The following GRM1 variants were observed in gnomAD, a reference collection of about 807,000 sequenced individuals.
GRM1 encodes the protein metabotropic glutamate receptor 1.
Under a neutral mutation model 90.9 loss-of-function variants are expected in GRM1, and 33 were observed. The ratio of observed to expected loss-of-function variants is 0.36; its 90% CI spans 0.28 to 0.49. The LOEUF (loss-of-function observed/expected upper bound fraction) is 0.49, where lower values mean the gene tolerates loss of function less well. Ranked by LOEUF, GRM1 falls within the 20% of genes least tolerant of loss-of-function variation. GRM1 has a pLI of 0.99. For synonymous variants in GRM1, 700 were observed against 613.2 expected (o/e 1.14, Z -2.09); for missense variants, 1,190 against 1,534.3 (o/e 0.78, Z 3.75).
At chr6:146,157,611 A>G (rs1050018717) in intron 1 of GRM1, among the ~76,000 whole-genome samples, 1 of 152,114 alleles carries the variant, frequency 6.6e-6, no homozygotes, top group Non-Finnish European at 1.5e-5. Context: ...GGTCAGGGGT[A>G]TTTTTCTTTT....
At chr6:146,412,629 A>G (rs1777612850) in intron 7 of GRM1, among the ~76,000 whole-genome samples, 1 of 152,220 alleles carries the variant, frequency 6.6e-6, no homozygotes, top group Non-Finnish European at 1.5e-5. Context: ...ACCTGTGCTC[A>G]GCTTTTCTGA....
intron 2 of GRM1, among the ~76,000 whole-genome samples, chr6:146,208,379 G>C (rs1257593656): frequency 1.3e-5 from 2 of 152,078 alleles, no homozygotes; most frequent in Admixed American, 1.3e-4. Flanking sequence ...GTAGTTTGTT[G>C]TATGTAATGA....
chr6:146,073,641 G>C (rs571978167), intron 1 of GRM1, among the ~76,000 whole-genome samples: 1 of 152,264 alleles, frequency 6.6e-6, no homozygotes, highest in African/African-American at 2.4e-5. Flanking sequence ...AAGTGGTATT[G>C]TAGAGTGTTG....
rs574740083 is a variant in GRM1 at position 146,210,697 on chromosome 6, C to G, written c.950+51100C>G. Among the ~76,000 whole-genome samples the G allele has an allele frequency of 1.6e-4, 25 of 152,280 alleles. No homozygotes were observed. The East Asian group carries it at 4.1e-3, about 25-fold the overall frequency. ...TTACCAAACACCCTGAGTCCGCCTA[C>G]TACCCCAATGTTAGCAAAAGTATTT... is the stretch of plus-strand genomic sequence containing the variant. On this transcript the variant is annotated intron_variant, in intron 2 of 7. Coordinates refer to ENST00000282753, the MANE Select transcript of GRM1 (RefSeq NM_001278064.2).
At chr6:146,416,339 T>G (rs981803743) in intron 7 of GRM1, among the ~76,000 whole-genome samples, 1 of 152,140 alleles carries the variant, frequency 6.6e-6, no homozygotes, top group Non-Finnish European at 1.5e-5. Context: ...TAATCACTAG[T>G]ATTTTAATAT....
chr6:146,050,945 C>T (rs1791502193), intron 1 of GRM1, among the ~76,000 whole-genome samples: 1 of 152,052 alleles, frequency 6.6e-6, no homozygotes, highest in Admixed American at 6.6e-5. Context: ...GCGTTGCAAT[C>T]AACCCTTCCT....
intron 5 of GRM1, among the ~76,000 whole-genome samples, chr6:146,369,913 AG>A (rs11367081): frequency 0.17 from 25,444 of 152,034 alleles, 2,510 homozygotes; most frequent in African/African-American, 0.27. Flanking sequence ...CATTGCTAAA[AG>A]TGGAGTGTTG....
chr6:146,106,411 T>C (rs1255740889), intron 1 of GRM1, among the ~76,000 whole-genome samples: 4 of 152,188 alleles, frequency 2.6e-5, no homozygotes, highest in African/African-American at 9.7e-5. Context: ...TTCTTGGCTA[T>C]AAAGGTGGTG....
At chr6:146,315,671 G>A (rs1447663034) in intron 3 of GRM1, among the ~76,000 whole-genome samples, 1 of 152,086 alleles carries the variant, frequency 6.6e-6, no homozygotes, top group Non-Finnish European at 1.5e-5. Flanking sequence ...GTGAGGCCAA[G>A]CATTTATTTT....
At chr6:146,140,007 C>CTCCCCTCACT (rs1241246728) in intron 1 of GRM1, among the ~76,000 whole-genome samples, 3 of 139,078 alleles carry the variant, frequency 2.2e-5, no homozygotes, top group Non-Finnish European at 3.1e-5. Flanking sequence ...CTTCCCTCCC[C>CTCCCCTCACT]TCCCCTCACT....
chr6:146,215,419 TC>T (rs1779835128), intron 2 of GRM1, among the ~76,000 whole-genome samples: 1 of 152,118 alleles, frequency 6.6e-6, no homozygotes. Context: ...GAATTGCTTT[TC>T]TCCATCATAC....
intron 2 of GRM1, among the ~76,000 whole-genome samples, chr6:146,269,651 A>G (rs1267764733): frequency 6.6e-6 from 1 of 152,176 alleles, no homozygotes; most frequent in Non-Finnish European, 1.5e-5. Context: ...GCAGATCAGC[A>G]GGGTCATTAA....
At chr6:146,361,838 C>T (rs1004178353) in intron 5 of GRM1, among the ~76,000 whole-genome samples, 1 of 152,190 alleles carries the variant, frequency 6.6e-6, no homozygotes, top group Non-Finnish European at 1.5e-5. Context: ...TGGCACATTT[C>T]CTTCAAATGC....
chr6:146,190,954 T>G (rs1325118399), intron 2 of GRM1, among the ~76,000 whole-genome samples: 3 of 152,204 alleles, frequency 2.0e-5, no homozygotes, highest in Non-Finnish European at 4.4e-5. Flanking sequence ...CTTGGAATTG[T>G]ATTCATAGCT....
intron 1 of GRM1, among the ~76,000 whole-genome samples, chr6:146,050,544 C>T (rs1428361228): frequency 6.6e-6 from 1 of 151,956 alleles, no homozygotes; most frequent in African/African-American, 2.4e-5. Context: ...ACAAACATAT[C>T]CATATTTCTA....
In GRM1 at chr6:146,434,917, C is replaced by T. The variant is rs776814332; in HGVS notation, c.*121C>T. On this transcript the variant is annotated 3_prime_UTR_variant, in exon 8 of 8. Transcript: ENST00000282753. The stretch of plus-strand genomic sequence containing the variant: ...GGGCCTCGTCGGGAGGACAGGAGAC[C>T]GCTGCTGCTGCTGCCGCTACTGCTG... 1.2e-6 allele frequency: 1 copy of T among 841,978 alleles called. No homozygotes were observed. The highest frequency in any genetic ancestry group is 2.0e-6 in the Non-Finnish European group (1 of 510,202). The allele number at this position is 841,978 out of a possible 1,614,324, so 52.2% of individuals were successfully genotyped here.
At chr6:146,333,866 T>C (rs1206471230) in intron 3 of GRM1, among the ~76,000 whole-genome samples, 1 of 151,630 alleles carries the variant, frequency 6.6e-6, no homozygotes, top group East Asian at 1.9e-4. Context: ...AAATGAACAG[T>C]GATATCCTGG....
At chr6:146,221,741 A>G (rs1043790186) in intron 2 of GRM1, among the ~76,000 whole-genome samples, 1 of 152,032 alleles carries the variant, frequency 6.6e-6, no homozygotes, top group Non-Finnish European at 1.5e-5. Flanking sequence ...AAATGGTATT[A>G]AATAATTTAG....
rs868217417 is a variant in GRM1, at chr6:146,039,801, T to C, written c.700+9584T>C. On this transcript the variant is annotated intron_variant, in intron 1 of 7. Coordinates refer to ENST00000282753, the MANE Select transcript of GRM1 (RefSeq NM_001278064.2). ...AGGGAGGTTAGTGTTTAGTGAATGA[T>C]TGGTTATGAGAATCAAGGAAAAAGA... Among the ~76,000 whole-genome samples the C allele has an allele frequency of 7.9e-5, 12 of 152,068 alleles. No homozygotes were observed. In the Middle Eastern group the frequency reaches 0.014, roughly 172 times the overall value.
Sources: gnomAD v4.1 joint callset for allele counts (sites outside exome capture counted in the v4.1 genomes callset) on GRCh38, gnomAD v4.1.1 for gene constraint, MANE v1.5 for transcripts, NCBI Gene and HGNC (gene_info 2026-07-23, HGNC 2026-07-21) for gene names.